Variants in FANCF observed in about 807,000 individuals in gnomAD.
FANCF encodes the protein Fanconi anemia group F protein.
For missense variants in FANCF, 552 were observed against 481.8 expected (o/e 1.15, Z -1.36); for synonymous variants, 257 against 205.9 (o/e 1.25, Z -2.13).
chr11:22,622,703 C>T lies in FANCF; in HGVS notation c.*1983G>A, dbSNP rs1858576076. ...CTGGAAATAAAATAAATGACAGATA[C>T]GGCTTCCACTTTCATGTTGCTTTTG... On this transcript the variant is annotated 3_prime_UTR_variant, in exon 1 of 1. Transcript: ENST00000327470. 2 of 190,944 alleles carry T rather than the reference C, an allele frequency of 1.0e-5. No individual in the cohort carries two copies. Among genetic ancestry groups the T allele is most frequent in the Admixed American group, 6.1e-5 (1 of 16,298 alleles). The allele number at this position is 190,944 out of a possible 1,614,324, so 11.8% of individuals were successfully genotyped here.
Position 22,624,864 on chromosome 11 carries a change from T to C in FANCF, c.947A>G (p.Gln316Arg), listed in dbSNP as rs148768428. 1.9e-6 allele frequency: 3 copies of C among 1,614,178 alleles called. No homozygotes were observed. Among genetic ancestry groups the C allele is most frequent in the Non-Finnish European group, 2.5e-6 (3 of 1,180,028 alleles). The change falls in exon 1 of 1, where the codon CAG (glutamine) becomes CGG (arginine). Residue 316 changes from glutamine (Q) to arginine (R), a missense_variant. By Grantham distance (43) the Gln-to-Arg change is conservative (BLOSUM62 1). Transcript: ENST00000327470. ...TTTATCTTTCAGAGGTGGAGGGGCC[T>C]GACAGAGGCTTTGAAACCTATTGTG... The part of the protein sequence containing the change: ...ELHNRFQSLC[Q>R]APPPLKDKVL...
In FANCF at chr11:22,625,753, T is replaced by C. The variant is rs1328802237; in HGVS notation, c.58A>G (p.Thr20Ala). Residue 20 changes from threonine (T) to alanine (A), a missense_variant, in exon 1 of 1, where the codon ACT becomes GCT. Thr to Ala is a moderately conservative substitution (Grantham distance 58, BLOSUM62 0). Coordinates refer to ENST00000327470, the MANE Select transcript of FANCF (RefSeq NM_022725.4). ...GGGTCCCAGGTGCTGACGTAGGTAG[T>C]GCTTGAGACCGCCAGAAGCTCGGAA... is the stretch of plus-strand genomic sequence containing the variant. Reference protein sequence around the residue: ...RFSELLAVSSTTYVSTWDPAT... With the variant: ...RFSELLAVSSATYVSTWDPAT... 1.4e-5 allele frequency: 23 copies of C among 1,614,056 alleles called. No individual in the cohort carries two copies. The highest frequency in any genetic ancestry group is 1.7e-6 in the Non-Finnish European group (2 of 1,180,046).
At position 22,623,108 on chromosome 11, in the gene FANCF, C is replaced by T. The variant is rs1420146675; in HGVS notation, c.*1578G>A. Reference sequence around the variant, plus strand: ...TTCTTGCATTAATGATAAATGTAATCTACAAGATGGCCTTCATGGATTAGA... The same window carrying T: ...TTCTTGCATTAATGATAAATGTAATTTACAAGATGGCCTTCATGGATTAGA... On this transcript the variant is annotated 3_prime_UTR_variant, in exon 1 of 1. Transcript: ENST00000327470. 1 of 209,372 alleles carries T rather than the reference C, an allele frequency of 4.8e-6. No individual in the cohort carries two copies. The highest frequency in any genetic ancestry group is 1.9e-4 in the South Asian group (1 of 5,340). The allele number at this position is 209,372 out of a possible 1,614,324, so 13.0% of individuals were successfully genotyped here.
rs201285915 is a variant in FANCF, at chr11:22,624,724, G to A, written c.1087C>T (p.Gln363Ter). ...AGGCCTGCGCTGAGACCCAAAACTT[G>A]TCTTTTCCTAAATGCACCACTACGA... Reference protein sequence around the residue: ...ALRSGAFRKRQVLGLSAGLSS... With the variant: ...ALRSGAFRKR Residue 363 changes from glutamine (Q) to a stop codon, truncating the protein, a stop_gained, in exon 1 of 1, where the codon CAA becomes TAA. Transcript: ENST00000327470. LOFTEE classifies it low-confidence loss of function (END_TRUNC). The A allele has an allele frequency of 9.3e-5, 150 of 1,614,164 alleles. No individual in the cohort carries two copies. The highest frequency in any genetic ancestry group is 1.5e-4 in the Admixed American group (9 of 60,020).
Position 22,625,409 on chromosome 11 carries a change from G to A in FANCF, c.402C>T (p.Ala134=), listed in dbSNP as rs774333200. The A allele has an allele frequency of 8.7e-6, 14 of 1,614,200 alleles. No homozygotes were observed. Among genetic ancestry groups the A allele is most frequent in the Non-Finnish European group, 1.2e-5 (14 of 1,180,044 alleles). ...ADEETLQESL[A]RLARRRSAVH... ...CCGCAGACCGCCGGCGGGCAAGGCG[G>A]GCCAGGCTCTCTTGGAGTGTCTCCT... The change falls in exon 1 of 1, where the codon GCC becomes GCT. Residue 134 remains alanine (A), a synonymous_variant. Transcript: ENST00000327470.
rs1858585687 is a variant in FANCF, at chr11:22,623,344, A to T, written c.*1342T>A. The T allele has an allele frequency of 1.6e-5, 1 of 61,246 alleles. No homozygotes were observed. The highest frequency in any genetic ancestry group is 3.0e-5 in the Non-Finnish European group (1 of 32,906). The allele number at this position is 61,246 out of a possible 1,614,324, so 3.8% of individuals were successfully genotyped here. A position where few individuals can be genotyped will look rare whatever the true frequency, so the allele number is the denominator to read the frequency against. ...GGAATTAGAAATTAACTTTCTAAAT[A>T]TCATTTTTTTCTCCAAAAAAATCCT... On this transcript the variant is annotated 3_prime_UTR_variant, in exon 1 of 1. Transcript: ENST00000327470.
rs1159900858 is a variant in FANCF, at chr11:22,625,797, A to G, written c.14T>C (p.Leu5Pro). 6.2e-6 allele frequency: 10 copies of G among 1,614,012 alleles called. No homozygotes were observed. The South Asian group carries it at 8.8e-5, about 14-fold the overall frequency. ...CTCGGAAAAGCGATCCAGGTGCTGCAGAAGGGATTCCATGAGGTGCGCGAA... is the reference window on the plus strand; with the variant it reads ...CTCGGAAAAGCGATCCAGGTGCTGCGGAAGGGATTCCATGAGGTGCGCGAA... Reference protein sequence around the residue: MESLLQHLDRFSELL... With the variant: MESLPQHLDRFSELL... The change falls in exon 1 of 1, where the codon CTG becomes CCG. Residue 5 changes from leucine (L) to proline (P), a missense_variant. By Grantham distance (98) the Leu-to-Pro change is moderately conservative. Transcript: ENST00000327470.
In FANCF at chr11:22,623,007, C is replaced by T. The variant is rs976338984; in HGVS notation, c.*1679G>A. 4.9e-6 allele frequency: 1 copy of T among 204,662 alleles called. No individual in the cohort carries two copies. The highest frequency in any genetic ancestry group is 2.3e-5 in the African/African-American group (1 of 43,748). The allele number at this position is 204,662 out of a possible 1,614,324, so 12.7% of individuals were successfully genotyped here. A position where few individuals can be genotyped will look rare whatever the true frequency, so the allele number is the denominator to read the frequency against. On this transcript the variant is annotated 3_prime_UTR_variant, in exon 1 of 1. Coordinates refer to ENST00000327470, the MANE Select transcript of FANCF (RefSeq NM_022725.4). ...TTCTAAAGCTAAAGCTAACATTAGG[C>T]CTTGCTATGGTAGAACTCTTCACTG...
chr11:22,625,744 C>T lies in FANCF; in HGVS notation c.67G>A (p.Val23Ile), dbSNP rs777143902. 4 of 1,614,040 alleles carry T rather than the reference C, an allele frequency of 2.5e-6. No homozygotes were observed. Among genetic ancestry groups the T allele is most frequent in the Non-Finnish European group, 3.4e-6 (4 of 1,180,040 alleles). ...ELLAVSSTTYVSTWDPATVRR... is the reference protein window; with the variant it reads ...ELLAVSSTTYISTWDPATVRR... ...ACGGTGGCGGGGTCCCAGGTGCTGA[C>T]GTAGGTAGTGCTTGAGACCGCCAGA... is the stretch of plus-strand genomic sequence containing the variant. The change falls in exon 1 of 1, where the codon GTC (valine) becomes ATC (isoleucine). Residue 23 changes from valine to isoleucine, a missense_variant. Transcript: ENST00000327470.
Position 22,624,291 on chromosome 11 carries a change from GAA to G in FANCF, c.*393_*394del, listed in dbSNP as rs1247737257. The G allele has an allele frequency of 3.3e-6, 1 of 299,468 alleles. No homozygotes were observed. The highest frequency in any genetic ancestry group is 5.0e-5 in the East Asian group (1 of 20,156). 18.6% of individuals were successfully genotyped at this position (299,468 alleles called of 1,614,324 possible). On this transcript the variant is annotated 3_prime_UTR_variant, in exon 1 of 1. Coordinates refer to ENST00000327470, the MANE Select transcript of FANCF (RefSeq NM_022725.4). ...TATTCCTGACACTGCCAGGAATAAA[GAA>G]AACTCTTCACTACTGAGGGAGGGAC...
chr11:22,625,441 C>A lies in FANCF; in HGVS notation c.370G>T (p.Ala124Ser), dbSNP rs201357673. 9 of 1,614,102 alleles carry A rather than the reference C, an allele frequency of 5.6e-6. No homozygotes were observed. Among genetic ancestry groups the A allele is most frequent in the Non-Finnish European group, 6.8e-6 (8 of 1,180,000 alleles). The change falls in exon 1 of 1, where the codon GCC becomes TCC. Residue 124 changes from alanine (A) to serine (S), a missense_variant. Ala to Ser is a moderately conservative substitution (Grantham distance 99). Transcript: ENST00000327470. ...CTCTCTTGGAGTGTCTCCTCATCGG[C>A]GTCCCGGACGCCCGGGCCGGGAAAG... Reference protein sequence around the residue: ...QLFPGPGVRDADEETLQESLA... With the variant: ...QLFPGPGVRDSDEETLQESLA...
chr11:22,625,586 AC>A lies in FANCF; in HGVS notation c.224del (p.Gly75ValfsTer6). On this transcript the variant is annotated frameshift_variant, in exon 1 of 1. Transcript: ENST00000327470. LOFTEE classifies it low-confidence loss of function (END_TRUNC). ...GGAAGTTCGCTAATCCCGGAACTGG[AC>A]CCCGCCCAAAGCCGCCCTCTTGCCT... ...QWRQEGGFGR[G>X]PVPGLANFQA... 6.2e-7 allele frequency: 1 copy of A among 1,613,694 alleles called. No individual in the cohort carries two copies. The highest frequency in any genetic ancestry group is 8.5e-7 in the Non-Finnish European group (1 of 1,179,970).
rs1309691735 is a variant in FANCF at position 22,625,592 on chromosome 11, C to G, written c.219G>C (p.Gly73=). 1 of 1,613,862 alleles carries G rather than the reference C, an allele frequency of 6.2e-7. No individual in the cohort carries two copies. Among genetic ancestry groups the G allele is most frequent in the Admixed American group, 1.7e-5 (1 of 60,036 alleles). ...HNQWRQEGGF[G]RGPVPGLANF... is the part of the protein sequence containing the mutation. ...TCGCTAATCCCGGAACTGGACCCCG[C>G]CCAAAGCCGCCCTCTTGCCTCCACT... Residue 73 remains glycine, a synonymous_variant, in exon 1 of 1, where the codon GGG becomes GGC. Coordinates refer to ENST00000327470, the MANE Select transcript of FANCF (RefSeq NM_022725.4).
rs749273752 is a variant in FANCF, at chr11:22,625,792, G to C, written c.19C>G (p.His7Asp). 2.5e-6 allele frequency: 4 copies of C among 1,614,000 alleles called. No individual in the cohort carries two copies. The highest frequency in any genetic ancestry group is 3.3e-5 in the Admixed American group (2 of 60,014). Residue 7 changes from histidine (H) to aspartate (D), a missense_variant, in exon 1 of 1, where the codon CAC becomes GAC. Transcript: ENST00000327470. The part of the protein sequence containing the change: MESLLQ[H>D]LDRFSELLAV... ...AGAAGCTCGGAAAAGCGATCCAGGT[G>C]CTGCAGAAGGGATTCCATGAGGTGC...
In FANCF at chr11:22,624,910, C is replaced by T; in HGVS notation, c.901G>A (p.Asp301Asn). Residue 301 changes from aspartate to asparagine, a missense_variant, in exon 1 of 1, where the codon GAT becomes AAT. By Grantham distance (23) the Asp-to-Asn change is conservative. Transcript: ENST00000327470. ...KGIWVGTESQ[D>N]VPWEELHNRF... The stretch of plus-strand genomic sequence containing the variant: ...TTGTGCAACTCCTCCCAGGGCACAT[C>T]TTGGGACTCAGTTCCAACCCAAATG... 6.2e-7 allele frequency: 1 copy of T among 1,614,196 alleles called. No individual in the cohort carries two copies. Among genetic ancestry groups the T allele is most frequent in the Non-Finnish European group, 8.5e-7 (1 of 1,180,040 alleles).
Position 22,625,137 on chromosome 11 carries a change from C to A in FANCF, c.674G>T (p.Gly225Val). ...CCCCTCTCCAGGTGATTTGTGGATGCCGGGTTCCAACTCTTCTTGGGGCCG... is the reference window on the plus strand; with the variant it reads ...CCCCTCTCCAGGTGATTTGTGGATGACGGGTTCCAACTCTTCTTGGGGCCG... ...SRRPQEELEP[G>V]IHKSPGEGSQ... The change falls in exon 1 of 1, where the codon GGC (glycine) becomes GTC (valine). Residue 225 changes from glycine (G) to valine (V), a missense_variant. Physicochemically the swap from Gly to Val is moderately radical, Grantham distance 109. Transcript: ENST00000327470. 1 of 1,607,610 alleles carries A rather than the reference C, an allele frequency of 6.2e-7. No individual in the cohort carries two copies. Among genetic ancestry groups the A allele is most frequent in the South Asian group, 1.1e-5 (1 of 90,670 alleles).
Position 22,625,358 on chromosome 11 carries a change from A to G in FANCF, c.453T>C (p.Tyr151=). The change falls in exon 1 of 1, where the codon TAT becomes TAC. Residue 151 remains tyrosine (Y), a synonymous_variant. Transcript: ENST00000327470. ...CCTCCTGGAGATTTGGGTTCTCTCT[A>G]TAGCCATTGAAGCGCAGCATGTGCA... is the stretch of plus-strand genomic sequence containing the variant. ...SAVHMLRFNG[Y]RENPNLQEDS... is the part of the protein sequence containing the mutation. The G allele has an allele frequency of 6.2e-7, 1 of 1,614,188 alleles. No homozygotes were observed. The highest frequency in any genetic ancestry group is 8.5e-7 in the Non-Finnish European group (1 of 1,180,028).
rs1255724223 is a variant in FANCF, at chr11:22,623,817, A to C, written c.*869T>G. On this transcript the variant is annotated 3_prime_UTR_variant, in exon 1 of 1. Coordinates refer to ENST00000327470, the MANE Select transcript of FANCF (RefSeq NM_022725.4). Reference sequence around the variant, plus strand: ...AGACCAGCCTGGCCAGCATGGTGAAACCCCGTCTCTACTAAAAATACAAAA... The same window carrying C: ...AGACCAGCCTGGCCAGCATGGTGAACCCCCGTCTCTACTAAAAATACAAAA... 4.4e-5 allele frequency: 8 copies of C among 180,344 alleles called. No individual in the cohort carries two copies. The East Asian group carries it at 7.4e-4, about 17-fold the overall frequency. The allele number at this position is 180,344 out of a possible 1,614,324, so 11.2% of individuals were successfully genotyped here.
Position 22,625,632 on chromosome 11 carries a change from C to G in FANCF, c.179G>C (p.Arg60Pro). The change falls in exon 1 of 1, where the codon CGG (arginine) becomes CCG (proline). Residue 60 changes from arginine (R) to proline (P), a missense_variant. By Grantham distance (103) the Arg-to-Pro change is moderately radical. Coordinates refer to ENST00000327470, the MANE Select transcript of FANCF (RefSeq NM_022725.4). ...RHGPIRTALE[R>P]RLHNQWRQEG... ...TTGCCTCCACTGGTTGTGCAGCCGC[C>G]GCTCCAGAGCCGTGCGAATGGGGCC... The G allele has an allele frequency of 6.2e-7, 1 of 1,613,966 alleles. No homozygotes were observed. The highest frequency in any genetic ancestry group is 1.1e-5 in the South Asian group (1 of 91,088).
Sources: gnomAD v4.1 joint callset for allele counts on GRCh38, gnomAD v4.1.1 for gene constraint, MANE v1.5 for transcripts, NCBI Gene and HGNC (gene_info 2026-07-23, HGNC 2026-07-21) for gene names.